The following VPS13C variants were observed in gnomAD, a reference collection of about 807,000 sequenced individuals.
VPS13C encodes the protein vacuolar protein sorting 13 homolog C, also known as intermembrane lipid transfer protein VPS13C.
Under a neutral mutation model 456.8 loss-of-function variants are expected in VPS13C, and 358 were observed. The observed-to-expected ratio is 0.78, with a 90% CI of 0.72 to 0.86. The LOEUF is 0.86. VPS13C is among the 40% of genes least tolerant of loss of function. VPS13C has a pLI of 0.00. For synonymous variants in VPS13C, 1,578 were observed against 1,486.7 expected (o/e 1.06, Z -1.41); for missense variants, 4,818 against 4,385.4 (o/e 1.10, Z -2.79).
At chr15:62,040,392 G>A (rs1435309684) in intron 3 of VPS13C, among the ~76,000 whole-genome samples, 1 of 152,052 alleles carries the variant, frequency 6.6e-6, no homozygotes, top group Non-Finnish European at 1.5e-5. Context: ...AATACTTTGA[G>A]GTGATAGAAA....
At chr15:62,006,460 T>C (rs2046850057) in intron 15 of VPS13C, among the ~76,000 whole-genome samples, 2 of 152,194 alleles carry the variant, frequency 1.3e-5, no homozygotes, top group Admixed American at 1.3e-4. Context: ...CTGCATAGTA[T>C]TCCATGGTGT....
At chr15:62,007,906 A>G (rs2046906727) in intron 14 of VPS13C, among the ~76,000 whole-genome samples, 1 of 152,100 alleles carries the variant, frequency 6.6e-6, no homozygotes, top group African/African-American at 2.4e-5. Flanking sequence ...AGATTTTGAG[A>G]CCATCCTGGC....
intron 29 of VPS13C, 59 bp downstream of exon 29, chr15:61,967,309 C>T (rs1409937055): frequency 4.2e-6 from 6 of 1,414,620 alleles, no homozygotes; most frequent in African/African-American, 1.4e-5. Context: ...TCATATTCTT[C>T]CTTCCAGAGA....
chr15:61,931,728 C>A (rs562554974), intron 49 of VPS13C, among the ~76,000 whole-genome samples: 1 of 151,894 alleles, frequency 6.6e-6, no homozygotes, highest in Non-Finnish European at 1.5e-5. Context: ...AGGCGCCCAC[C>A]ACCATGCCCG....
intron 23 of VPS13C, 32 bp downstream of exon 23, chr15:61,978,594 C>A (rs1290136817): frequency 1.2e-6 from 2 of 1,601,350 alleles, no homozygotes; most frequent in Admixed American, 3.4e-5. Flanking sequence ...CCATCATAAT[C>A]CCAAGATCCT....
At position 61,856,371 on chromosome 15, in the gene VPS13C, A is replaced by G; in HGVS notation, c.10991T>C (p.Leu3664Pro). ...TGGACATTGCCAGTCTACACACATA[A>G]GGCCCAGGATTTCAACTTCCTTTAT... ...LCIKEVEILG[L>P]MCVDWQCPFE... The change falls in exon 83 of 85, where the codon CTT (leucine) becomes CCT (proline). Residue 3664 changes from leucine (L) to proline (P), a missense_variant. Physicochemically the swap from Leu to Pro is moderately conservative, Grantham distance 98. Transcript: ENST00000644861. 1 of 1,613,434 alleles carries G rather than the reference A, an allele frequency of 6.2e-7. No individual in the cohort carries two copies. Among genetic ancestry groups the G allele is most frequent in the Non-Finnish European group, 8.5e-7 (1 of 1,179,626 alleles).
intron 67 of VPS13C, 56 bp from the exon 68 acceptor site, chr15:61,884,325 C>G (rs951348624): frequency 4.0e-6 from 6 of 1,517,220 alleles, no homozygotes; most frequent in Non-Finnish European, 5.4e-6. Context: ...GTCTGTGGAA[C>G]TTTATTCAAC....
intron 61 of VPS13C, among the ~76,000 whole-genome samples, chr15:61,914,483 C>T (rs1411451820): frequency 6.6e-6 from 1 of 151,782 alleles, no homozygotes; most frequent in East Asian, 2.0e-4. Flanking sequence ...GCAGGAGAAT[C>T]GCTTGAACCC....
intron 9 of VPS13C, among the ~76,000 whole-genome samples, chr15:62,018,736 G>C (rs1272511701): frequency 3.3e-5 from 5 of 152,096 alleles, no homozygotes; most frequent in African/African-American, 9.7e-5. Context: ...AAGGATATTG[G>C]TCTAAAATTC....
At chr15:61,981,269 A>C (rs1026656505) in intron 22 of VPS13C, 73 bp downstream of exon 22, 1 of 1,459,784 alleles carries the variant, frequency 6.9e-7, no homozygotes, top group Admixed American at 2.5e-5. Context: ...GAAGAAAAAA[A>C]CAGCAAACTG....
At position 61,915,710 on chromosome 15, in the gene VPS13C, G is replaced by T; in HGVS notation, c.8368C>A (p.His2790Asn). The T allele has an allele frequency of 6.2e-7, 1 of 1,613,320 alleles. No individual in the cohort carries two copies. Among genetic ancestry groups the T allele is most frequent in the African/African-American group, 1.3e-5 (1 of 75,004 alleles). Residue 2790 changes from histidine to asparagine, a missense_variant, in exon 61 of 85, where the codon CAT becomes AAT. His to Asn is a moderately conservative substitution (Grantham distance 68, BLOSUM62 1). Coordinates refer to ENST00000644861, the MANE Select transcript of VPS13C (RefSeq NM_020821.3). ...CTGAAATCAGCTGGATGTTTCACATGAATATCTTCTGAACGATACTGGAGA... is the reference window on the plus strand; with the variant it reads ...CTGAAATCAGCTGGATGTTTCACATTAATATCTTCTGAACGATACTGGAGA... ...RVLQYRSEDI[H>N]VKHPADFRDI... is the part of the protein sequence containing the mutation.
chr15:62,023,932 C>A, intron 6 of VPS13C, 87 bp from the exon 7 acceptor site: 1 of 1,260,088 alleles, frequency 7.9e-7, no homozygotes, highest in Non-Finnish European at 1.1e-6. Flanking sequence ...AGAATTTTTC[C>A]TAACAGCAAA....
intron 6 of VPS13C, 134 bp from the exon 7 acceptor site, chr15:62,023,979 C>T: frequency 1.8e-6 from 1 of 546,226 alleles, no homozygotes; most frequent in Non-Finnish European, 3.1e-6. Context: ...TCTAAACTGA[C>T]CTGTTACTTC....
rs2140153174 is a variant in VPS13C at position 61,913,278 on chromosome 15, G to A, written c.8550+33C>T. 3 of 1,582,408 alleles carry A rather than the reference G, an allele frequency of 1.9e-6. No individual in the cohort carries two copies. The East Asian group carries it at 6.7e-5, about 35-fold the overall frequency. ...TGTTGAACTGTAGCAAAGGTGAACGGAATCAAAGGTAAATAAGGAAGCAGA... is the reference window on the plus strand; with the variant it reads ...TGTTGAACTGTAGCAAAGGTGAACGAAATCAAAGGTAAATAAGGAAGCAGA... On this transcript the variant is annotated intron_variant, in intron 62 of 84. Transcript: ENST00000644861.
chr15:61,946,019 A>C, intron 44 of VPS13C, 137 bp from the exon 45 acceptor site: 1 of 855,808 alleles, frequency 1.2e-6, no homozygotes, highest in South Asian at 2.6e-5. Flanking sequence ...ATTATTAGCT[A>C]AAAACATTTT....
chr15:61,890,375 T>G lies in VPS13C; in HGVS notation c.9131A>C (p.Asp3044Ala). 1 of 1,614,050 alleles carries G rather than the reference T, an allele frequency of 6.2e-7. No homozygotes were observed. The highest frequency in any genetic ancestry group is 2.2e-5 in the East Asian group (1 of 44,864). The part of the protein sequence containing the change: ...LKDGCGQFPY[D>A]ANIQIHWVSF... ...TACCCAGTGTATCTGGATGTTTGCA[T>G]CATATGGAAACTGTCCACATCCATC... Residue 3044 changes from aspartate (D) to alanine (A), a missense_variant, in exon 67 of 85, where the codon GAT becomes GCT. By Grantham distance (126) the Asp-to-Ala change is moderately radical. Around this residue, in one of 3 missense-constraint regions of VPS13C, gnomAD observed 4,552 missense variants for 4,130.6 expected, o/e 1.10. Coordinates refer to ENST00000644861, the MANE Select transcript of VPS13C (RefSeq NM_020821.3).
chr15:62,033,585 A>G (rs2047889945), intron 4 of VPS13C, 43 bp from the exon 5 acceptor site: 1 of 1,388,342 alleles, frequency 7.2e-7, no homozygotes, highest in Non-Finnish European at 9.9e-7. Context: ...AATGGAATTA[A>G]TAAATAAACA....
At chr15:61,892,386 G>A (rs1351597275) in intron 66 of VPS13C, among the ~76,000 whole-genome samples, 3 of 152,062 alleles carry the variant, frequency 2.0e-5, no homozygotes, top group African/African-American at 7.2e-5. Flanking sequence ...ACTGGAGACA[G>A]TACTGCCAAA....
intron 51 of VPS13C, among the ~76,000 whole-genome samples, chr15:61,927,526 G>A (rs948601367): frequency 6.6e-6 from 1 of 152,148 alleles, no homozygotes; most frequent in Non-Finnish European, 1.5e-5. Context: ...TCTGATCCCT[G>A]TCCCAAGAAT....
Sources: allele counts gnomAD v4.1 joint callset (sites outside exome capture counted in the v4.1 genomes callset), GRCh38; gene constraint gnomAD v4.1.1; regional missense constraint gnomAD v4.1.1; transcripts MANE v1.5; gene names NCBI Gene and HGNC (gene_info 2026-07-23, HGNC 2026-07-21).